Variants in NLK observed in about 807,000 individuals in gnomAD.
NLK encodes the protein serine/threonine-protein kinase NLK.
Under a neutral mutation model 59.0 loss-of-function variants are expected in NLK, and 11 were observed. That is an observed-to-expected ratio of 0.19 (90% CI 0.12 to 0.31). The LOEUF is 0.31. Ranked by LOEUF, NLK falls within the 10% of genes least tolerant of loss-of-function variation. NLK has a pLI of 1.00. For synonymous variants in NLK, 235 were observed against 235.9 expected (o/e 1.00, Z 0.03); for missense variants, 410 against 661.1 (o/e 0.62, Z 4.16).
intron 3 of NLK, among the ~76,000 whole-genome samples, chr17:28,151,192 T>A (rs1417643975): frequency 6.6e-6 from 1 of 152,208 alleles, no homozygotes; most frequent in Non-Finnish European, 1.5e-5. Context: ...TCATTTAATT[T>A]AAGCTGCTTT....
intron 2 of NLK, among the ~76,000 whole-genome samples, chr17:28,129,295 A>G (rs1906417761): frequency 1.3e-5 from 2 of 152,148 alleles, no homozygotes; most frequent in African/African-American, 4.8e-5. Context: ...TCTACTAAAA[A>G]TACAAAAGTT....
At chr17:28,086,710 ACT>A (rs769768224) in intron 1 of NLK, among the ~76,000 whole-genome samples, 9 of 151,794 alleles carry the variant, frequency 5.9e-5, no homozygotes, top group Non-Finnish European at 1.0e-4. Flanking sequence ...AGTATAAGTG[ACT>A]CTGTGATGAG....
At chr17:28,099,568 C>CTTTTTTTTTTTTTT (rs945214545) in intron 1 of NLK, among the ~76,000 whole-genome samples, 2 of 122,968 alleles carry the variant, frequency 1.6e-5, no homozygotes, top group African/African-American at 6.7e-5. Context: ...TTGTGTTTGA[C>CTTTTTTTTTTTTTT]TTTTTTTTTT....
intron 5 of NLK, among the ~76,000 whole-genome samples, chr17:28,166,572 A>G (rs750280764): frequency 9.2e-5 from 14 of 152,206 alleles, no homozygotes; most frequent in Non-Finnish European, 2.1e-4. Context: ...ATCACTTGCA[A>G]TATTGTGACT....
intron 1 of NLK, among the ~76,000 whole-genome samples, chr17:28,087,489 A>T (rs1401097338): frequency 1.3e-5 from 2 of 152,244 alleles, no homozygotes; most frequent in Non-Finnish European, 2.9e-5. Context: ...GATGTAAATC[A>T]GAATAGAAGA....
At chr17:28,128,892 A>G (rs1462373683) in intron 2 of NLK, among the ~76,000 whole-genome samples, 1 of 152,230 alleles carries the variant, frequency 6.6e-6, no homozygotes, top group Admixed American at 6.5e-5. Flanking sequence ...GCAATTGGAA[A>G]CAATATAAAT....
At chr17:28,047,051 G>A (rs57877336) in intron 1 of NLK, among the ~76,000 whole-genome samples, 1 of 152,090 alleles carries the variant, frequency 6.6e-6, no homozygotes, top group Non-Finnish European at 1.5e-5. Flanking sequence ...CTGTGATCTC[G>A]ATAAATTATT....
At chr17:28,133,064 T>C (rs1382915691) in intron 3 of NLK, among the ~76,000 whole-genome samples, 4 of 152,150 alleles carry the variant, frequency 2.6e-5, no homozygotes, top group East Asian at 1.9e-4. Flanking sequence ...ATTATAACAC[T>C]TGGGGTAAGA....
rs10542547 is a variant in NLK, at chr17:28,120,235, G to GGTGTGTGTGT, written c.459-2339_459-2330dup. ...AATCAGTATTGCAGATTTGGCTTGG[G>GGTGTGTGTGT]GTGTGTGTGTGTGTGTGTGTGTGTG... On this transcript the variant is annotated intron_variant, in intron 1 of 10. Transcript: ENST00000407008. Among the ~76,000 whole-genome samples, 36 of 139,178 alleles carry GGTGTGTGTGT rather than the reference G, an allele frequency of 2.6e-4. No individual in the cohort carries two copies. In the Middle Eastern group the frequency reaches 0.011, roughly 43 times the overall value. 91.3% of individuals were successfully genotyped at this position (139,178 alleles called of 152,430 possible).
chr17:28,087,307 A>T (rs1317819897), intron 1 of NLK, among the ~76,000 whole-genome samples: 1 of 152,170 alleles, frequency 6.6e-6, no homozygotes, highest in Non-Finnish European at 1.5e-5. Context: ...AATTTGGGAA[A>T]TGTGGGTCAG....
chr17:28,175,327 G>A (rs888606143), intron 7 of NLK, among the ~76,000 whole-genome samples: 11 of 151,750 alleles, frequency 7.2e-5, no homozygotes, highest in South Asian at 2.1e-4. Flanking sequence ...GGTGGCAGGC[G>A]CCTGTAGTCC....
At chr17:28,131,878 T>C (rs148400117) in intron 2 of NLK, among the ~76,000 whole-genome samples, 4 of 152,328 alleles carry the variant, frequency 2.6e-5, no homozygotes, top group African/African-American at 9.6e-5. Flanking sequence ...AAATGCTTAG[T>C]ATGATTTAAA....
At position 28,051,589 on chromosome 17, in the gene NLK, C is replaced by G. The variant is rs143636332; in HGVS notation, c.458+8258C>G. ...GGCCAGGATGGTCTCGATCTCTTGA[C>G]CTCGTGATCGGCCTGCCTCGGCCTC... is the stretch of plus-strand genomic sequence containing the variant. On this transcript the variant is annotated intron_variant, in intron 1 of 10. Transcript: ENST00000407008. Among the ~76,000 whole-genome samples, 1,030 of 151,656 alleles carry G rather than the reference C, an allele frequency of 6.8e-3. 13 individuals are homozygous for G. The highest frequency in any genetic ancestry group is 0.024 in the African/African-American group (988 of 41,374).
intron 1 of NLK, among the ~76,000 whole-genome samples, chr17:28,102,859 C>G (rs1904950820): frequency 6.6e-6 from 1 of 152,054 alleles, no homozygotes; most frequent in Non-Finnish European, 1.5e-5. Flanking sequence ...TTCAGGGGGG[C>G]ATCAGCTTTG....
At chr17:28,085,722 C>T (rs981635192) in intron 1 of NLK, among the ~76,000 whole-genome samples, 2 of 152,040 alleles carry the variant, frequency 1.3e-5, no homozygotes, top group African/African-American at 4.8e-5. Flanking sequence ...GCCTGGATGA[C>T]AGAGCAAGAC....
chr17:28,199,705 A>G (rs1909580486), downstream of NLK, among the ~76,000 whole-genome samples: 1 of 151,344 alleles, frequency 6.6e-6, no homozygotes, highest in South Asian at 2.1e-4. Flanking sequence ...CAAAAAAAAA[A>G]AACAACTAGA....
At chr17:28,122,513 A>G (rs1463621687) in intron 1 of NLK, 90 bp from the exon 2 acceptor site, 2 of 1,370,888 alleles carry the variant, frequency 1.5e-6, no homozygotes, top group East Asian at 2.3e-5. Flanking sequence ...TAAGATAAAG[A>G]TATTGTCATG....
intron 3 of NLK, among the ~76,000 whole-genome samples, chr17:28,145,728 G>A (rs1233477094): frequency 6.7e-6 from 1 of 150,236 alleles, no homozygotes; most frequent in Non-Finnish European, 1.5e-5. Flanking sequence ...TTTTTTTAAA[G>A]ACAGTCTCAC....
chr17:28,202,247 A>T, the NLK span, among the ~76,000 whole-genome samples: 1 of 152,166 alleles, frequency 6.6e-6, no homozygotes, highest in African/African-American at 2.4e-5. Context: ...AATTTTTTTA[A>T]AAATTAGCTG....
Sources: allele counts gnomAD v4.1 joint callset (sites outside exome capture counted in the v4.1 genomes callset), GRCh38; gene constraint gnomAD v4.1.1; transcripts MANE v1.5; gene names NCBI Gene and HGNC (gene_info 2026-07-23, HGNC 2026-07-21).